LRRC40: variants seen among roughly 807,000 people sequenced by gnomAD.
LRRC40 encodes the protein leucine rich repeat containing 40, also known as leucine-rich repeat-containing protein 40.
In LRRC40, 76 loss-of-function variants were observed where a neutral mutation model predicts 72.8. The observed-to-expected ratio is 1.04, with a 90% CI of 0.87 to 1.26. The LOEUF (loss-of-function observed/expected upper bound fraction) is 1.26. Ranked by LOEUF, LRRC40 falls within the 50% of genes most tolerant of loss-of-function variation. LRRC40 has a pLI of 0.00. For missense variants in LRRC40, 684 were observed against 698.9 expected, an observed-to-expected ratio of 0.98 and a Z score of 0.24; for synonymous variants, 243 against 254.2, an observed-to-expected ratio of 0.96 and a Z score of 0.42.
chr1:70,205,495 A>C lies in LRRC40; in HGVS notation c.46T>G (p.Phe16Val). ...CCGCAGTCTCTTCCACCTGCTTTGA[A>C]ACCAGCGCGGAGATCCTGCCCCGCT... is the stretch of plus-strand genomic sequence containing the variant. The part of the protein sequence containing the change: ...RIAGQDLRAG[F>V]KAGGRDCGTS... Residue 16 changes from phenylalanine to valine, a missense_variant, in exon 1 of 15, where the codon TTC becomes GTC. Phe to Val is a conservative substitution (Grantham distance 50, BLOSUM62 -1). Transcript: ENST00000370952. 1 of 1,606,362 alleles carries C rather than the reference A, an allele frequency of 6.2e-7. No individual in the cohort carries two copies. Among genetic ancestry groups the C allele is most frequent in the Non-Finnish European group, 8.5e-7 (1 of 1,173,834 alleles).
intron 14 of LRRC40, among the ~76,000 whole-genome samples, 160 bp downstream of exon 14, chr1:70,148,327 A>C (rs532171910): frequency 6.6e-6 from 1 of 152,300 alleles, no homozygotes; most frequent in Non-Finnish European, 1.5e-5. Context: ...GTAAAATTTG[A>C]AAAACAGAAT....
chr1:70,204,860 T>C (rs552633669), intron 1 of LRRC40, among the ~76,000 whole-genome samples: 21 of 152,272 alleles, frequency 1.4e-4, no homozygotes, highest in Admixed American at 1.2e-3. Flanking sequence ...TCAAACACTC[T>C]GTGTGGCATC....
chr1:70,164,338 C>G (rs1667832094), intron 9 of LRRC40, among the ~76,000 whole-genome samples: 1 of 151,790 alleles, frequency 6.6e-6, no homozygotes, highest in African/African-American at 2.4e-5. Context: ...TGCAGTGAGC[C>G]GAGATCGCGA....
At chr1:70,159,283 G>T in intron 10 of LRRC40, 47 bp downstream of exon 10, 1 of 881,988 alleles carries the variant, frequency 1.1e-6, no homozygotes, top group Non-Finnish European at 1.7e-6. Context: ...GGGCAACACA[G>T]TAAGACCCTA....
rs1324776159 is a variant in LRRC40, at chr1:70,173,530, G to A, written c.1066-20C>T. 1.3e-6 allele frequency: 2 copies of A among 1,594,312 alleles called. No homozygotes were observed. Among genetic ancestry groups the A allele is most frequent in the African/African-American group, 1.3e-5 (1 of 74,462 alleles). On this transcript the variant is annotated intron_variant, in intron 8 of 14. Transcript: ENST00000370952. The stretch of plus-strand genomic sequence containing the variant: ...TCCTTTCTAGAAGGGTGGAGACAAA[G>A]ACATTCACCAAGACATGCTTTGCAG...
At chr1:70,156,083 C>A (rs1445071381) in intron 10 of LRRC40, among the ~76,000 whole-genome samples, 2 of 152,052 alleles carry the variant, frequency 1.3e-5, no homozygotes, top group Non-Finnish European at 2.9e-5. Context: ...AAGATATCTA[C>A]AAGTCATATA....
chr1:70,189,296 A>AT, intron 1 of LRRC40, 23 bp from the exon 2 acceptor site: 1 of 1,056,520 alleles, frequency 9.5e-7, no homozygotes, highest in Non-Finnish European at 1.2e-6. Flanking sequence ...GCACCACACC[A>AT]GGAAAAAAAA....
At chr1:70,183,525 T>C (rs901589914) in intron 4 of LRRC40, among the ~76,000 whole-genome samples, 2 of 152,094 alleles carry the variant, frequency 1.3e-5, no homozygotes, top group African/African-American at 4.8e-5. Context: ...TCTCTTTCTT[T>C]CTTCCTTTCT....
At chr1:70,187,848 A>G (rs1352242468) in intron 2 of LRRC40, among the ~76,000 whole-genome samples, 2 of 97,366 alleles carry the variant, frequency 2.1e-5, no homozygotes, top group Non-Finnish European at 5.4e-5. Context: ...GGAAGAGAAG[A>G]GAAGAGAAGA....
At chr1:70,188,978 A>T in intron 2 of LRRC40, 114 bp downstream of exon 2, 1 of 797,606 alleles carries the variant, frequency 1.3e-6, no homozygotes, top group Non-Finnish European at 2.0e-6. Flanking sequence ...ATGATAATTT[A>T]CTATCTGTCC....
intron 9 of LRRC40, among the ~76,000 whole-genome samples, chr1:70,171,438 T>C (rs750390259): frequency 2.0e-5 from 3 of 151,342 alleles, no homozygotes; most frequent in African/African-American, 4.9e-5. Context: ...CTGCAAATCA[T>C]ATATTTAACA....
chr1:70,172,485 T>C (rs1668020100), intron 9 of LRRC40, among the ~76,000 whole-genome samples: 1 of 152,182 alleles, frequency 6.6e-6, no homozygotes, highest in Non-Finnish European at 1.5e-5. Context: ...CATCTTTGGA[T>C]AGAAGCTGTC....
Position 70,145,544 on chromosome 1 carries a change from A to G in LRRC40, c.*256T>C, listed in dbSNP as rs184637262. ...ATCATAAGCAAAACATTTAGAACAA[A>G]TGTATGAACACATTGTGGTTATCAC... On this transcript the variant is annotated 3_prime_UTR_variant, in exon 15 of 15. Coordinates refer to ENST00000370952, the MANE Select transcript of LRRC40 (RefSeq NM_017768.5). 1.8e-4 allele frequency: 46 copies of G among 255,084 alleles called. 1 individual carries two copies. Among genetic ancestry groups the G allele is most frequent in the African/African-American group, 9.7e-4 (44 of 45,310 alleles). The allele number at this position is 255,084 out of a possible 1,614,324, so 15.8% of individuals were successfully genotyped here. A position where few individuals can be genotyped will look rare whatever the true frequency, so the allele number is the denominator to read the frequency against.
intron 14 of LRRC40, 26 bp downstream of exon 14, chr1:70,148,461 A>G: frequency 6.7e-7 from 1 of 1,499,738 alleles, no homozygotes; most frequent in Non-Finnish European, 9.1e-7. Context: ...AATAAATGAA[A>G]CAATGCAGTA....
intron 1 of LRRC40, among the ~76,000 whole-genome samples, chr1:70,200,547 A>G (rs1347240535): frequency 6.6e-6 from 1 of 152,216 alleles, no homozygotes; most frequent in East Asian, 1.9e-4. Context: ...TTAAAGTATA[A>G]CATGAAAATT....
chr1:70,193,714 G>C (rs952272599), intron 1 of LRRC40, among the ~76,000 whole-genome samples: 1 of 151,936 alleles, frequency 6.6e-6, no homozygotes, highest in Non-Finnish European at 1.5e-5. Context: ...CCAAATTCCT[G>C]AACAAATTTT....
chr1:70,145,931 T>G, intron 14 of LRRC40, 26 bp from the exon 15 acceptor site: 15 of 1,128,724 alleles, frequency 1.3e-5, no homozygotes, highest in Non-Finnish European at 2.0e-5. Flanking sequence ...AAATTGAGAA[T>G]GTAAACATTT....
chr1:70,166,925 AAAAAG>A (rs904786525), intron 9 of LRRC40, among the ~76,000 whole-genome samples: 79 of 152,254 alleles, frequency 5.2e-4, no homozygotes, highest in African/African-American at 1.7e-3. Context: ...AAAAAAAAGA[AAAAAG>A]AAAAGAAAGA....
At chr1:70,178,782 C>A in intron 6 of LRRC40, 69 bp downstream of exon 6, 2 of 991,146 alleles carry the variant, frequency 2.0e-6, no homozygotes, top group South Asian at 2.2e-5. Context: ...AAGATTAGCT[C>A]CTTTAAAAAT....
Sources: allele counts gnomAD v4.1 joint callset (sites outside exome capture counted in the v4.1 genomes callset), GRCh38; gene constraint gnomAD v4.1.1; transcripts MANE v1.5; gene names NCBI Gene and HGNC (gene_info 2026-07-23, HGNC 2026-07-21).